KIF16B: variants seen among roughly 807,000 people sequenced by gnomAD.
The protein encoded by KIF16B is kinesin family member 16B, also known as kinesin-like protein KIF16B.
Under a neutral mutation model 156.3 loss-of-function variants are expected in KIF16B, and 98 were observed. That is an observed-to-expected ratio of 0.63 (90% CI 0.53 to 0.74). The LOEUF (loss-of-function observed/expected upper bound fraction) is 0.74, where lower values mean the gene tolerates loss of function less well. Ranked by LOEUF, KIF16B falls within the 30% of genes least tolerant of loss-of-function variation. KIF16B has a pLI of 0.00. For missense variants in KIF16B, 1,421 were observed against 1,606.5 expected (o/e 0.88, Z 1.97); for synonymous variants, 564 against 583.7 (o/e 0.97, Z 0.49).
intron 20 of KIF16B, among the ~76,000 whole-genome samples, chr20:16,373,533 A>G (rs1600231510): frequency 6.6e-6 from 1 of 152,320 alleles, no homozygotes; most frequent in East Asian, 1.9e-4. Context: ...CTAAAGTAAC[A>G]TCAGATACAG....
intron 12 of KIF16B, among the ~76,000 whole-genome samples, chr20:16,442,348 G>GTGTGTGTGTGTATA (rs753220723): frequency 6.7e-6 from 1 of 149,664 alleles, no homozygotes; most frequent in African/African-American, 2.4e-5. Flanking sequence ...GTGTGTGTGT[G>GTGTGTGTGTGTATA]TATATATATA....
intron 17 of KIF16B, among the ~76,000 whole-genome samples, chr20:16,385,647 G>A (rs1476116469): frequency 1.3e-5 from 2 of 152,218 alleles, no homozygotes; most frequent in African/African-American, 4.8e-5. Flanking sequence ...AGGGCTGAGT[G>A]TTGCCTCGCA....
At chr20:16,367,206 T>C in intron 22 of KIF16B, 1 of 1,612,176 alleles carries the variant, frequency 6.2e-7, no homozygotes, top group Non-Finnish European at 8.5e-7. Context: ...TGAAAGTAAG[T>C]TTCCAGACCT....
intron 12 of KIF16B, among the ~76,000 whole-genome samples, chr20:16,459,364 G>T (rs1235034246): frequency 1.3e-5 from 2 of 152,166 alleles, no homozygotes; most frequent in Admixed American, 6.5e-5. Context: ...CTCCACAAAA[G>T]AATTTTCCCA....
At chr20:16,462,593 T>C (rs1448559114) in intron 12 of KIF16B, among the ~76,000 whole-genome samples, 1 of 152,108 alleles carries the variant, frequency 6.6e-6, no homozygotes, top group Non-Finnish European at 1.5e-5. Flanking sequence ...TTTAGATACA[T>C]CAGAGTCCTT....
chr20:16,381,426 T>C lies in KIF16B; in HGVS notation c.1838+268A>G, dbSNP rs866146810. On this transcript the variant is annotated intron_variant, in intron 18 of 25. Coordinates refer to ENST00000354981, the MANE Select transcript of KIF16B (RefSeq NM_024704.5). ...ATACATTTTGGTGTATTAAATTTAATTGGTGTGTTAAATTTGCCTACTGAC... is the reference window on the plus strand; with the variant it reads ...ATACATTTTGGTGTATTAAATTTAACTGGTGTGTTAAATTTGCCTACTGAC... Among the ~76,000 whole-genome samples the C allele has an allele frequency of 1.1e-4, 17 of 152,088 alleles. 1 individual carries two copies. The highest frequency in any genetic ancestry group is 3.2e-3 in the Middle Eastern group (1 of 316).
At chr20:16,548,209 C>A (rs2070486671) in intron 1 of KIF16B, among the ~76,000 whole-genome samples, 2 of 152,232 alleles carry the variant, frequency 1.3e-5, no homozygotes, top group Admixed American at 1.3e-4. Flanking sequence ...TCTGTCTACT[C>A]ATCCATAAAA....
intron 22 of KIF16B, chr20:16,367,486 T>A: frequency 6.2e-7 from 1 of 1,612,900 alleles, no homozygotes; most frequent in East Asian, 2.2e-5. Flanking sequence ...AAAAACACAG[T>A]CTTCCTTCAC....
intron 1 of KIF16B, among the ~76,000 whole-genome samples, chr20:16,571,036 C>CAAGGTCA (rs575216537): frequency 1.0e-3 from 152 of 152,318 alleles, no homozygotes; most frequent in Non-Finnish European, 1.8e-3. Flanking sequence ...AGATAATGAA[C>CAAGGTCA]AAGGTCAACA....
intron 25 of KIF16B, among the ~76,000 whole-genome samples, chr20:16,303,431 T>C (rs1244336392): frequency 6.6e-6 from 1 of 152,272 alleles, no homozygotes; most frequent in Non-Finnish European, 1.5e-5. Flanking sequence ...TAGTTGTTCT[T>C]ATCCTTGTTT....
At chr20:16,354,030 G>T (rs1430781671) in intron 23 of KIF16B, among the ~76,000 whole-genome samples, 2 of 152,156 alleles carry the variant, frequency 1.3e-5, no homozygotes, top group African/African-American at 4.8e-5. Context: ...TGGATTTTAT[G>T]TATCCTGAAG....
chr20:16,286,269 A>G (rs2122409361), intron 25 of KIF16B, among the ~76,000 whole-genome samples: 1 of 152,280 alleles, frequency 6.6e-6, no homozygotes, highest in African/African-American at 2.4e-5. Context: ...TAAATTCCTA[A>G]AATGGAATTG....
At chr20:16,309,616 C>G (rs2122686548) in intron 25 of KIF16B, among the ~76,000 whole-genome samples, 1 of 152,218 alleles carries the variant, frequency 6.6e-6, no homozygotes, top group East Asian at 1.9e-4. Flanking sequence ...ACACAAGGTC[C>G]AAATCTTAGA....
At chr20:16,437,298 C>A (rs1568981031) in intron 12 of KIF16B, among the ~76,000 whole-genome samples, 1 of 152,290 alleles carries the variant, frequency 6.6e-6, no homozygotes, top group East Asian at 1.9e-4. Context: ...TATGGAGGAC[C>A]AACTGCATAC....
intron 10 of KIF16B, among the ~76,000 whole-genome samples, chr20:16,499,364 G>A (rs1050542521): frequency 3.9e-5 from 6 of 152,148 alleles, no homozygotes; most frequent in Admixed American, 6.5e-5. Flanking sequence ...GGTCATTTTC[G>A]TCATTAGGGA....
chr20:16,404,105 G>C (rs918282420), intron 17 of KIF16B, among the ~76,000 whole-genome samples: 1 of 152,188 alleles, frequency 6.6e-6, no homozygotes, highest in Non-Finnish European at 1.5e-5. Context: ...ATAAATGACA[G>C]TTCTAGAAAA....
At chr20:16,347,918 A>C (rs1401799279) in intron 23 of KIF16B, among the ~76,000 whole-genome samples, 2 of 152,224 alleles carry the variant, frequency 1.3e-5, no homozygotes, top group Non-Finnish European at 2.9e-5. Flanking sequence ...TACAGAGTTT[A>C]TCTAATAGAC....
chr20:16,514,200 T>C (rs1283451466), intron 4 of KIF16B, among the ~76,000 whole-genome samples: 3 of 151,996 alleles, frequency 2.0e-5, no homozygotes, highest in Admixed American at 6.6e-5. Context: ...TTGGAAGTTT[T>C]GTTTTTTTTT....
intron 15 of KIF16B, among the ~76,000 whole-genome samples, chr20:16,425,664 A>C (rs2066332718): frequency 6.6e-6 from 1 of 152,166 alleles, no homozygotes; most frequent in Non-Finnish European, 1.5e-5. Context: ...TGGCAGCTGC[A>C]CCTTAGTTGG....
Sources: gnomAD v4.1 joint callset for allele counts (sites outside exome capture counted in the v4.1 genomes callset) on GRCh38, gnomAD v4.1.1 for gene constraint, MANE v1.5 for transcripts, NCBI Gene and HGNC (gene_info 2026-07-23, HGNC 2026-07-21) for gene names.